The following PLCB4 variants were observed in gnomAD, a reference collection of about 807,000 sequenced individuals.
The protein encoded by PLCB4 is phospholipase C beta 4.
A neutral mutation model predicts 178.8 loss-of-function variants in PLCB4; 77 were observed. That is an observed-to-expected ratio of 0.43 (90% CI 0.36 to 0.52). The LOEUF is 0.52. Ranked by LOEUF, PLCB4 falls within the 20% of genes least tolerant of loss-of-function variation. The pLI is 0.00. For missense variants in PLCB4, 1,024 were observed against 1,453.4 expected, an observed-to-expected ratio of 0.70 and a Z score of 4.80; for synonymous variants, 496 against 490.8, an observed-to-expected ratio of 1.01 and a Z score of -0.14.
chr20:9,212,701 C>A (rs1224421074), intron 2 of PLCB4, among the ~76,000 whole-genome samples: 1 of 152,070 alleles, frequency 6.6e-6, no homozygotes, highest in East Asian at 1.9e-4. Flanking sequence ...CACAAGGAAT[C>A]CCCTGAAGAA....
intron 35 of PLCB4, among the ~76,000 whole-genome samples, chr20:9,462,009 C>T (rs1688625339): frequency 6.6e-6 from 1 of 152,112 alleles, no homozygotes; most frequent in African/African-American, 2.4e-5. Flanking sequence ...CAAGCAGGGG[C>T]CGACAGACAC....
intron 3 of PLCB4, among the ~76,000 whole-genome samples, chr20:9,244,008 C>A (rs2094097017): frequency 6.6e-6 from 1 of 152,114 alleles, no homozygotes; most frequent in African/African-American, 2.4e-5. Context: ...GTTGTTATGG[C>A]CAGAAGCCAT....
rs750125397 is a variant in PLCB4 at position 9,395,577 on chromosome 20, C to A, written c.1469C>A (p.Ala490Glu). 6.2e-7 allele frequency: 1 copy of A among 1,613,592 alleles called. No homozygotes were observed. The highest frequency in any genetic ancestry group is 8.5e-7 in the Non-Finnish European group (1 of 1,179,598). Reference sequence around the variant, plus strand: ...GAAGCTGGAGAATCTGCCTCCCCAGCAAACATCTTAGAGGACGATAATGAA... The same window carrying A: ...GAAGCTGGAGAATCTGCCTCCCCAGAAAACATCTTAGAGGACGATAATGAA... ...MMEAGESASP[A>E]NILEDDNEEE... The change falls in exon 19 of 40, where the codon GCA becomes GAA. Residue 490 changes from alanine (A) to glutamate (E), a missense_variant. Around this residue, in one of 7 missense-constraint regions of PLCB4, gnomAD observed 263 missense variants for 417.4 expected, o/e 0.63. Transcript: ENST00000378473.
At chr20:9,293,121 C>T (rs894824091) in intron 3 of PLCB4, among the ~76,000 whole-genome samples, 16 of 146,594 alleles carry the variant, frequency 1.1e-4, no homozygotes, top group African/African-American at 3.0e-4. Context: ...CAGAGAGAGA[C>T]AGAGACAGAG....
At chr20:9,360,081 C>T (rs930829338) in intron 7 of PLCB4, among the ~76,000 whole-genome samples, 1 of 152,208 alleles carries the variant, frequency 6.6e-6, no homozygotes, top group African/African-American at 2.4e-5. Context: ...AAATCCCCAA[C>T]ACGAAGAATG....
Position 9,473,277 on chromosome 20 carries a change from A to G in PLCB4, c.3409-2A>G. ...GAATTTTTTTTTTTTTTTTTTTTGC[A>G]GCTTGCCATGAAGCAGTCCAAAGAA... is the stretch of plus-strand genomic sequence containing the variant. On this transcript the variant is annotated splice_acceptor_variant, in intron 37 of 39. Coordinates refer to ENST00000378473, the MANE Select transcript of PLCB4 (RefSeq NM_001377142.1). LOFTEE classifies it high-confidence loss of function. 7.2e-7 allele frequency: 1 copy of G among 1,387,804 alleles called. No homozygotes were observed. The highest frequency in any genetic ancestry group is 9.6e-7 in the Non-Finnish European group (1 of 1,044,920). The allele number at this position is 1,387,804 out of a possible 1,614,324, so 86.0% of individuals were successfully genotyped here.
chr20:9,168,058 T>C (rs1042324186), intron 2 of PLCB4, among the ~76,000 whole-genome samples: 2 of 152,216 alleles, frequency 1.3e-5, no homozygotes, highest in African/African-American at 4.8e-5. Flanking sequence ...AAGAATTCCT[T>C]TGATAGTTAT....
intron 11 of PLCB4, among the ~76,000 whole-genome samples, chr20:9,372,627 T>C (rs2036348623): frequency 6.6e-6 from 1 of 152,162 alleles, no homozygotes; most frequent in African/African-American, 2.4e-5. Flanking sequence ...TTTTTTTGCA[T>C]TGGCTTTACT....
At chr20:9,342,119 A>T (rs2033277038) in intron 7 of PLCB4, among the ~76,000 whole-genome samples, 1 of 152,154 alleles carries the variant, frequency 6.6e-6, no homozygotes, top group South Asian at 2.1e-4. Flanking sequence ...AAAACTTAAA[A>T]TAACCATATT....
In PLCB4 at chr20:9,390,540, A is replaced by G; in HGVS notation, c.1248A>G (p.Gln416=). The part of the protein sequence containing the change: ...LSFENHCSKY[Q]QYKMSKYCED... Reference sequence around the variant, plus strand: ...ACTTTTTTCTCTCCAGCAAATATCAACAGTACAAGATGTCCAAATATTGCG... The same window carrying G: ...ACTTTTTTCTCTCCAGCAAATATCAGCAGTACAAGATGTCCAAATATTGCG... Residue 416 remains glutamine (Q), a synonymous_variant, in exon 17 of 40, where the codon CAA becomes CAG. Transcript: ENST00000378473. The G allele has an allele frequency of 1.3e-6, 2 of 1,564,638 alleles. No individual in the cohort carries two copies. The highest frequency in any genetic ancestry group is 1.8e-6 in the Non-Finnish European group (2 of 1,135,684).
chr20:9,386,713 G>A (rs1489096661), intron 14 of PLCB4, among the ~76,000 whole-genome samples: 19 of 151,554 alleles, frequency 1.3e-4, no homozygotes, highest in Admixed American at 1.2e-3. Context: ...CAACGTGCAG[G>A]TTTGTTATAT....
At chr20:9,441,582 A>G (rs2042105347) in intron 30 of PLCB4, among the ~76,000 whole-genome samples, 1 of 152,174 alleles carries the variant, frequency 6.6e-6, no homozygotes, top group Admixed American at 6.5e-5. Flanking sequence ...GCCAGTAGGC[A>G]CCTGGAACTT....
chr20:9,089,190 G>T (rs2090568530), intron 1 of PLCB4, among the ~76,000 whole-genome samples: 1 of 151,702 alleles, frequency 6.6e-6, no homozygotes, highest in African/African-American at 2.4e-5. Flanking sequence ...GAATTTATAG[G>T]TGACAATATG....
rs567383938 is a variant in PLCB4, at chr20:9,169,543, C to T, written c.-78-47847C>T. ...GGCAGAGGTTGCAGTAAGCTGAGAC[C>T]GTGCCACTGCGCTCCAGCCTGGGTG... is the stretch of plus-strand genomic sequence containing the variant. On this transcript the variant is annotated intron_variant, in intron 2 of 39. Transcript: ENST00000378473. 2.6e-4 allele frequency among the ~76,000 whole-genome samples: 40 copies of T among 151,634 alleles called. 1 individual carries two copies. Among genetic ancestry groups the T allele is most frequent in the Admixed American group, 2.4e-3 (36 of 15,190 alleles).
chr20:9,314,542 G>C lies in PLCB4; in HGVS notation c.84+6644G>C, dbSNP rs60948803. On this transcript the variant is annotated intron_variant, in intron 4 of 39. Transcript: ENST00000378473. Reference sequence around the variant, plus strand: ...AGGTGGAGAGAATGCCAGAGAAGGGGGTACATGTATGGATGCATTTATATT... The same window carrying C: ...AGGTGGAGAGAATGCCAGAGAAGGGCGTACATGTATGGATGCATTTATATT... Among the ~76,000 whole-genome samples the C allele has an allele frequency of 8.8e-3, 1,342 of 152,152 alleles. 22 individuals carry two copies. Among genetic ancestry groups the C allele is most frequent in the African/African-American group, 0.03 (1,264 of 41,482 alleles).
At chr20:9,410,436 C>T (rs1348914539) in intron 24 of PLCB4, among the ~76,000 whole-genome samples, 2 of 152,148 alleles carry the variant, frequency 1.3e-5, no homozygotes, top group African/African-American at 4.8e-5. Flanking sequence ...GGTTTAAACA[C>T]AACATTTTGA....
chr20:9,312,377 C>CAT (rs1324087321), intron 4 of PLCB4, among the ~76,000 whole-genome samples: 27 of 150,636 alleles, frequency 1.8e-4, no homozygotes, highest in Middle Eastern at 3.4e-3. Context: ...CACACACACA[C>CAT]ACACACACAC....
chr20:9,253,560 C>A (rs940039883), intron 3 of PLCB4, among the ~76,000 whole-genome samples: 1 of 152,214 alleles, frequency 6.6e-6, no homozygotes, highest in African/African-American at 2.4e-5. Flanking sequence ...TTCTAGATGG[C>A]ATCTTGCACA....
intron 2 of PLCB4, among the ~76,000 whole-genome samples, chr20:9,127,198 G>A (rs982748904): frequency 1.4e-4 from 22 of 152,058 alleles, no homozygotes; most frequent in African/African-American, 4.6e-4. Context: ...CAAATCACCC[G>A]AGTATCTTGT....
Sources: allele counts gnomAD v4.1 joint callset (sites outside exome capture counted in the v4.1 genomes callset), GRCh38; gene constraint gnomAD v4.1.1; regional missense constraint gnomAD v4.1.1; transcripts MANE v1.5; gene names NCBI Gene and HGNC (gene_info 2026-07-23, HGNC 2026-07-21).